The following MAOA variants were observed in gnomAD, a reference collection of about 807,000 sequenced individuals.
MAOA encodes the protein monoamine oxidase A, also known as amine oxidase [flavin-containing] A.
In MAOA, 6 loss-of-function variants were observed where a neutral mutation model predicts 42.0. The observed-to-expected ratio is 0.14, with a 90% CI of 0.08 to 0.28. The LOEUF is 0.28. MAOA is among the 10% of genes least tolerant of loss of function. MAOA has a pLI of 1.00. For synonymous variants in MAOA, 140 were observed against 154.0 expected, an observed-to-expected ratio of 0.91 and a Z score of 0.67; for missense variants, 262 against 422.3, an observed-to-expected ratio of 0.62 and a Z score of 3.33.
chrX:43,672,709 T>C (rs2033348758), intron 1 of MAOA, among the ~76,000 whole-genome samples: 1 of 111,634 alleles, frequency 9.0e-6, no homozygotes, highest in African/African-American at 3.3e-5. Context: ...AATCATGTGG[T>C]TTTTGTCTTT....
intron 3 of MAOA, among the ~76,000 whole-genome samples, chrX:43,702,923 CACT>C (rs1349120743): frequency 9.0e-6 from 1 of 111,135 alleles, no homozygotes; most frequent in Non-Finnish European, 1.9e-5. Context: ...CTGTGGCTCA[CACT>C]TGCGGACCAG....
intron 10 of MAOA, among the ~76,000 whole-genome samples, chrX:43,738,624 C>A (rs933061562): frequency 1.6e-4 from 18 of 110,780 alleles, no homozygotes; most frequent in African/African-American, 4.3e-4. Context: ...GGTTGAAGAC[C>A]AGCTTGGGCA....
intron 3 of MAOA, among the ~76,000 whole-genome samples, chrX:43,709,731 T>C (rs1490402846): frequency 9.0e-6 from 1 of 111,518 alleles, no homozygotes; most frequent in Non-Finnish European, 1.9e-5. Context: ...AGCCCCTCTC[T>C]TCTCCATAGC....
chrX:43,721,639 A>C (rs2033789621), intron 5 of MAOA, among the ~76,000 whole-genome samples: 2 of 109,614 alleles, frequency 1.8e-5, no homozygotes, highest in South Asian at 8.0e-4. Context: ...AAGCTTATTG[A>C]TGCTTAGAGA....
At chrX:43,658,284 A>G (rs2033202755) in intron 1 of MAOA, among the ~76,000 whole-genome samples, 1 of 111,435 alleles carries the variant, frequency 9.0e-6, no homozygotes, top group African/African-American at 3.3e-5. Context: ...GAATTCCTTA[A>G]GGAGCGCGGT....
intron 3 of MAOA, among the ~76,000 whole-genome samples, chrX:43,708,663 T>TC (rs945632674): frequency 1.2e-5 from 1 of 81,101 alleles, no homozygotes; most frequent in African/African-American, 9.3e-5. Flanking sequence ...CTTCTTGTTG[T>TC]TTTTTTTTTT....
chrX:43,672,961 G>A (rs1390649870), intron 1 of MAOA, among the ~76,000 whole-genome samples: 1 of 111,698 alleles, frequency 9.0e-6, no homozygotes, highest in African/African-American at 3.3e-5. Flanking sequence ...CATAAAATGA[G>A]TTAGGGAGGA....
chrX:43,662,177 G>A (rs902420240), intron 1 of MAOA, among the ~76,000 whole-genome samples: 9 of 111,311 alleles, frequency 8.1e-5, no homozygotes, highest in African/African-American at 2.9e-4. Context: ...CTTATTTTTG[G>A]TGTCTTAGTT....
At chrX:43,699,538 A>T (rs2033606153) in intron 3 of MAOA, among the ~76,000 whole-genome samples, 1 of 111,577 alleles carries the variant, frequency 9.0e-6, no homozygotes, top group East Asian at 2.8e-4. Flanking sequence ...CTCTCTAAAT[A>T]AAAGTAGAGA....
At chrX:43,705,781 T>C (rs1461613801) in intron 3 of MAOA, among the ~76,000 whole-genome samples, 2 of 111,358 alleles carry the variant, frequency 1.8e-5, no homozygotes, top group Non-Finnish European at 3.8e-5. Context: ...AACAACCCAA[T>C]TCAAAAATGG....
intron 9 of MAOA, among the ~76,000 whole-genome samples, chrX:43,735,871 C>T (rs1249619274): frequency 8.8e-6 from 1 of 113,135 alleles, no homozygotes. Context: ...ATTTGTTTTT[C>T]CAGCTTTGAT....
intron 5 of MAOA, among the ~76,000 whole-genome samples, chrX:43,727,146 C>T (rs1158583224): frequency 4.5e-5 from 5 of 111,922 alleles, no homozygotes; most frequent in African/African-American, 1.3e-4. Flanking sequence ...TCAGGCTACA[C>T]GGGGGTCGGG....
chrX:43,705,650 C>G (rs778205286), intron 3 of MAOA, among the ~76,000 whole-genome samples: 1 of 111,674 alleles, frequency 9.0e-6, no homozygotes, highest in South Asian at 3.7e-4. Flanking sequence ...ATTTGTATAC[C>G]ATCAAGAAAC....
Position 43,743,881 on chromosome X carries a change from G to A in MAOA, c.1350G>A (p.Glu450=), listed in dbSNP as rs762253956. The change falls in exon 13 of 15, where the codon GAG becomes GAA. Residue 450 remains glutamate (E), a synonymous_variant. Coordinates refer to ENST00000338702, the MANE Select transcript of MAOA (RefSeq NM_000240.4). ...GCGGCTACATGGAAGGGGCAGTTGA[G>A]GCTGGAGAACGAGCAGCTAGGGAGG... is the stretch of plus-strand genomic sequence containing the variant. ...KWSGYMEGAV[E]AGERAAREVL... 1.7e-6 allele frequency: 2 copies of A among 1,169,475 alleles called. No homozygotes were observed. Among genetic ancestry groups the A allele is most frequent in the East Asian group, 3.2e-5 (1 of 31,005 alleles).
chrX:43,712,208 A>C (rs899355370), intron 4 of MAOA, among the ~76,000 whole-genome samples: 1 of 110,285 alleles, frequency 9.1e-6, no homozygotes, highest in Admixed American at 9.7e-5. Flanking sequence ...ATACCAACCC[A>C]CTCTCTTATA....
At chrX:43,682,665 C>CT (rs2033453722) in intron 1 of MAOA, among the ~76,000 whole-genome samples, 1 of 111,592 alleles carries the variant, frequency 9.0e-6, no homozygotes, top group South Asian at 3.8e-4. Flanking sequence ...CTGGAACATA[C>CT]TTCCCACTCC....
intron 2 of MAOA, among the ~76,000 whole-genome samples, chrX:43,692,035 A>ACACG (rs71944092): frequency 3.3e-5 from 3 of 89,997 alleles, no homozygotes; most frequent in South Asian, 4.5e-4. Context: ...ACACACACAC[A>ACACG]CACGCACGCA....
intron 2 of MAOA, among the ~76,000 whole-genome samples, chrX:43,690,322 T>G (rs2033522557): frequency 9.0e-6 from 1 of 110,937 alleles, no homozygotes; most frequent in Non-Finnish European, 1.9e-5. Context: ...GTTTAATCCA[T>G]TCACGGAGTT....
chrX:43,655,409 C>G (rs1248950703), upstream of MAOA: 2 of 111,587 alleles, frequency 1.8e-5, no homozygotes, highest in African/African-American at 6.5e-5. Flanking sequence ...CCAGCATACA[C>G]TCCCCAATCA....
Sources: allele counts gnomAD v4.1 joint callset (sites outside exome capture counted in the v4.1 genomes callset), GRCh38; gene constraint gnomAD v4.1.1; transcripts MANE v1.5; gene names NCBI Gene and HGNC (gene_info 2026-07-23, HGNC 2026-07-21).